Variants in TRMT5 observed in about 807,000 individuals in gnomAD.
TRMT5 encodes the protein tRNA (guanine(37)-N(1))-methyltransferase.
A neutral mutation model predicts 42.2 loss-of-function variants in TRMT5; 31 were observed. The observed-to-expected ratio is 0.73, with a 90% confidence interval of 0.55 to 0.99. The LOEUF is 0.99. Among genes scored for constraint, TRMT5 ranks in the 50% least tolerant of loss-of-function variants. TRMT5 has a pLI of 0.00. For synonymous variants in TRMT5, 198 were observed against 209.6 expected, an observed-to-expected ratio of 0.94 and a Z score of 0.48; for missense variants, 568 against 595.0, an observed-to-expected ratio of 0.95 and a Z score of 0.47.
chr14:60,976,840 G>A (rs976653545), intron 3 of TRMT5, among the ~76,000 whole-genome samples: 1 of 152,026 alleles, frequency 6.6e-6, no homozygotes, highest in Non-Finnish European at 1.5e-5. Flanking sequence ...TGGGTCTATT[G>A]TAGTAGACAC....
chr14:60,977,488 C>T (rs762328898), intron 3 of TRMT5, 26 bp downstream of exon 3: 4 of 1,586,052 alleles, frequency 2.5e-6, no homozygotes, highest in East Asian at 4.5e-5. Context: ...TTGATATACA[C>T]CTTACTTGGA....
upstream of TRMT5, chr14:60,981,134 C>G (rs556647178): frequency 5.3e-5 from 82 of 1,551,586 alleles, no homozygotes; most frequent in South Asian, 8.2e-4. Flanking sequence ...CAAGTCGACT[C>G]GCTCCTCTCC....
At position 60,975,618 on chromosome 14, in the gene TRMT5, CT is replaced by C. The variant is rs1478135096; in HGVS notation, c.1300del (p.Arg434GlyfsTer6). 6.2e-7 allele frequency: 1 copy of C among 1,614,198 alleles called. No homozygotes were observed. The highest frequency in any genetic ancestry group is 1.1e-5 in the South Asian group (1 of 91,088). On this transcript the variant is annotated frameshift_variant, in exon 4 of 5. Coordinates refer to ENST00000261249, the MANE Select transcript of TRMT5 (RefSeq NM_020810.3). LOFTEE classifies it high-confidence loss of function. The stretch of plus-strand genomic sequence containing the variant: ...AGAAATGCCTAACACAGCTCCAGCC[CT>C]TTGCCGAACATCCTCAGCAGGGTTA... Reference protein sequence around the residue: ...DANPAEDVRQRAGAVLGISLE... With the variant: ...DANPAEDVRQXAGAVLGISLE...
chr14:60,975,247 A>G, intron 4 of TRMT5, 53 bp from the exon 5 acceptor site: 1 of 1,479,498 alleles, frequency 6.8e-7, no homozygotes, highest in African/African-American at 1.4e-5. Context: ...AGTTGAAAAT[A>G]CTCTTAAAAA....
chr14:60,981,395 T>A (rs1274813981), upstream of TRMT5: 7 of 1,579,708 alleles, frequency 4.4e-6, no homozygotes, highest in Admixed American at 1.3e-4. Context: ...AAGTGGGCTG[T>A]GTTCGCTTCC....
chr14:60,979,151 A>T, intron 2 of TRMT5, 80 bp downstream of exon 2: 1 of 1,236,058 alleles, frequency 8.1e-7, no homozygotes, highest in African/African-American at 1.5e-5. Flanking sequence ...ACTTGGCATT[A>T]AAAAAAATAA....
chr14:60,976,246 A>G, intron 3 of TRMT5, 120 bp from the exon 4 acceptor site: 3 of 1,149,130 alleles, frequency 2.6e-6, no homozygotes, highest in Non-Finnish European at 3.6e-6. Context: ...TACTACTGTA[A>G]GAGCCAAACA....
intron 3 of TRMT5, 95 bp from the exon 4 acceptor site, chr14:60,976,221 A>G: frequency 3.6e-6 from 5 of 1,389,614 alleles, no homozygotes; most frequent in South Asian, 1.4e-5. Flanking sequence ...AGGCAAACAC[A>G]TACACATTTA....
Position 60,981,052 on chromosome 14 carries a change from G to C in TRMT5, c.-79C>G. The C allele has an allele frequency of 6.2e-7, 1 of 1,608,516 alleles. No individual in the cohort carries two copies. Among genetic ancestry groups the C allele is most frequent in the Non-Finnish European group, 8.5e-7 (1 of 1,179,928 alleles). On this transcript the variant is annotated 5_prime_UTR_variant, in exon 1 of 5. Transcript: ENST00000261249. ...CCGCTCCGGTACCGATCGGATGTGGGTCGCGGGTGGATGGGCGGGTCTTCT... is the reference window on the plus strand; with the variant it reads ...CCGCTCCGGTACCGATCGGATGTGGCTCGCGGGTGGATGGGCGGGTCTTCT...
intron 1 of TRMT5, 101 bp downstream of exon 1, chr14:60,980,862 T>A: frequency 6.3e-7 from 1 of 1,579,664 alleles, no homozygotes; most frequent in Non-Finnish European, 8.7e-7. Context: ...GTGGGTGACC[T>A]CGCGATGTTT....
chr14:60,975,666 C>T lies in TRMT5; in HGVS notation c.1253G>A (p.Cys418Tyr). 1.9e-6 allele frequency: 3 copies of T among 1,614,194 alleles called. No homozygotes were observed. The highest frequency in any genetic ancestry group is 2.5e-6 in the Non-Finnish European group (3 of 1,180,034). The change falls in exon 4 of 5, where the codon TGT becomes TAT. Residue 418 changes from cysteine (C) to tyrosine (Y), a missense_variant. Transcript: ENST00000261249. ...GTTAGCATCTTTGGAAAAGCTATAA[C>T]AATGCACTATGGGAAGGAACTCACT... ...CSSEFLPIVH[C>Y]YSFSKDANPA...
chr14:60,980,344 G>T (rs2036934100), intron 1 of TRMT5, among the ~76,000 whole-genome samples: 1 of 152,168 alleles, frequency 6.6e-6, no homozygotes, highest in Non-Finnish European at 1.5e-5. Context: ...AATCTTGGGA[G>T]GTGTGCAGTA....
chr14:60,981,355 C>T (rs1021906633), upstream of TRMT5: 1 of 1,608,340 alleles, frequency 6.2e-7, no homozygotes, highest in Non-Finnish European at 8.5e-7. Context: ...AAGCGGAGGC[C>T]GAAGAGTTGA....
Position 60,972,287 on chromosome 14 carries a change from A to T in TRMT5, c.*2822T>A. ...CACCTTCCCGCTCCTTGCCAGCATC[A>T]GCTTTTCTCTTTTTCCCTTTGGGTA... is the stretch of plus-strand genomic sequence containing the variant. On this transcript the variant is annotated 3_prime_UTR_variant, in exon 5 of 5. Transcript: ENST00000261249. 2 of 536,024 alleles carry T rather than the reference A, an allele frequency of 3.7e-6. No individual in the cohort carries two copies. The highest frequency in any genetic ancestry group is 2.8e-5 in the South Asian group (2 of 72,410). The allele number at this position is 536,024 out of a possible 1,614,324, so 33.2% of individuals were successfully genotyped here. A position where few individuals can be genotyped will look rare whatever the true frequency, so the allele number is the denominator to read the frequency against.
chr14:60,981,418 C>T (rs374320740), upstream of TRMT5: 45 of 1,555,718 alleles, frequency 2.9e-5, no homozygotes, highest in Admixed American at 1.6e-4. Flanking sequence ...GCGCTGACGC[C>T]CTCCGGCTTC....
chr14:60,981,212 G>A (rs1280117320), upstream of TRMT5: 4 of 1,548,376 alleles, frequency 2.6e-6, no homozygotes, highest in South Asian at 1.2e-5. Context: ...TGGCGCGACC[G>A]ACGACTGGAG....
At chr14:60,981,349 G>C (rs555851663), upstream of TRMT5, 3 of 1,609,488 alleles carry the variant, frequency 1.9e-6, no homozygotes, top group Non-Finnish European at 2.5e-6. Flanking sequence ...CTGAAGAAGC[G>C]GAGGCCGAAG....
rs771389255 is a variant in TRMT5, at chr14:60,979,421, T to C, written c.477A>G (p.Leu159=). Reference sequence around the variant, plus strand: ...TCTGTGGACTGACATTAAGCTGCTCTAAAACACTGAGTTCTGCTTTCTCAA... The same window carrying C: ...TCTGTGGACTGACATTAAGCTGCTCCAAAACACTGAGTTCTGCTTTCTCAA... ...DSFEKAELSV[L]EQLNVSPQIS... The change falls in exon 2 of 5, where the codon TTA becomes TTG. Residue 159 remains leucine (L), a synonymous_variant. Transcript: ENST00000261249. 1 of 1,614,170 alleles carries C rather than the reference T, an allele frequency of 6.2e-7. No homozygotes were observed. Among genetic ancestry groups the C allele is most frequent in the Non-Finnish European group, 8.5e-7 (1 of 1,180,004 alleles).
rs1179637245 is a variant in TRMT5, at chr14:60,975,890, A to G, written c.1029T>C (p.Asn343=). Residue 343 remains asparagine (N), a synonymous_variant, in exon 4 of 5, where the codon AAT becomes AAC. Coordinates refer to ENST00000261249, the MANE Select transcript of TRMT5 (RefSeq NM_020810.3). ...HKWLLYNCKL[N]KVDQKVKVFN... The stretch of plus-strand genomic sequence containing the variant: ...AGACTTTCACCTTTTGGTCCACTTT[A>G]TTTAATTTACAGTTGTACAACAGCC... 1.2e-6 allele frequency: 2 copies of G among 1,614,088 alleles called. No homozygotes were observed. Among genetic ancestry groups the G allele is most frequent in the Admixed American group, 1.7e-5 (1 of 60,012 alleles).
Sources: gnomAD v4.1 joint callset for allele counts (sites outside exome capture counted in the v4.1 genomes callset) on GRCh38, gnomAD v4.1.1 for gene constraint, MANE v1.5 for transcripts, NCBI Gene and HGNC (gene_info 2026-07-23, HGNC 2026-07-21) for gene names.